The following LONP2 variants were observed in gnomAD, a reference collection of about 807,000 sequenced individuals.
The protein encoded by LONP2 is lon protease homolog 2, peroxisomal.
Under a neutral mutation model 85.6 loss-of-function variants are expected in LONP2, and 60 were observed. The observed-to-expected ratio is 0.70, with a 90% confidence interval of 0.57 to 0.87. The LOEUF is 0.87. Ranked by LOEUF, LONP2 falls within the 40% of genes least tolerant of loss-of-function variation. LONP2 has a pLI of 0.00. For missense variants in LONP2, 860 were observed against 1,063.5 expected, an observed-to-expected ratio of 0.81 and a Z score of 2.66; for synonymous variants, 395 against 389.7, an observed-to-expected ratio of 1.01 and a Z score of -0.16.
chr16:48,310,521 T>G (rs890888886), intron 11 of LONP2, among the ~76,000 whole-genome samples: 3 of 152,092 alleles, frequency 2.0e-5, no homozygotes, highest in Non-Finnish European at 4.4e-5. Flanking sequence ...CTGGCTAATT[T>G]TTGTATTTTT....
intron 8 of LONP2, among the ~76,000 whole-genome samples, chr16:48,289,854 A>G (rs917605380): frequency 6.6e-6 from 1 of 152,174 alleles, no homozygotes; most frequent in Non-Finnish European, 1.5e-5. Flanking sequence ...TGTCTTCACA[A>G]ATGGGTAGTA....
downstream of LONP2, among the ~76,000 whole-genome samples, chr16:48,358,251 T>C (rs1468631060): frequency 6.6e-6 from 1 of 152,052 alleles, no homozygotes; most frequent in African/African-American, 2.4e-5. Flanking sequence ...AAAATGAAAA[T>C]GGAAAACTTC....
intron 8 of LONP2, among the ~76,000 whole-genome samples, chr16:48,294,230 C>T (rs769476090): frequency 2.3e-4 from 35 of 152,136 alleles, no homozygotes; most frequent in African/African-American, 3.1e-4. Flanking sequence ...TGTGAGCCAC[C>T]GTGCCCGGCC....
chr16:48,358,903 T>G (rs1407933240), downstream of LONP2, among the ~76,000 whole-genome samples: 1 of 152,240 alleles, frequency 6.6e-6, no homozygotes, highest in Non-Finnish European at 1.5e-5. Context: ...TGTGCAGTTT[T>G]ATAATTTCCA....
chr16:48,269,747 A>G lies in LONP2; in HGVS notation c.983-269A>G, dbSNP rs138051014. ...ATACAATATGTAGAAATTAAGAAGT[A>G]ATGCATAACTAGAAAATCATTCCAA... On this transcript the variant is annotated intron_variant, in intron 6 of 14. Coordinates refer to ENST00000285737, the MANE Select transcript of LONP2 (RefSeq NM_031490.5). 2.0e-3 allele frequency among the ~76,000 whole-genome samples: 303 copies of G among 152,314 alleles called. 2 individuals carry two copies. Among genetic ancestry groups the G allele is most frequent in the Middle Eastern group, 6.8e-3 (2 of 294 alleles).
intron 11 of LONP2, among the ~76,000 whole-genome samples, chr16:48,331,503 A>G (rs1021168197): frequency 6.6e-6 from 1 of 152,188 alleles, no homozygotes; most frequent in African/African-American, 2.4e-5. Flanking sequence ...GAGAATATAT[A>G]TAACTCAAGA....
rs759287753 is a variant in LONP2, at chr16:48,262,833, G to T, written c.943G>T (p.Glu315Ter). 1.9e-6 allele frequency: 3 copies of T among 1,611,548 alleles called. No homozygotes were observed. Among genetic ancestry groups the T allele is most frequent in the Non-Finnish European group, 2.5e-6 (3 of 1,178,684 alleles). The change falls in exon 6 of 15, where the codon GAA becomes TAA. Residue 315 changes from glutamate (E) to a stop codon, truncating the protein, a stop_gained. Coordinates refer to ENST00000285737, the MANE Select transcript of LONP2 (RefSeq NM_031490.5). LOFTEE classifies it high-confidence loss of function. ...ATATGCTCTGACTAGAAATTATTTG[G>T]AACTTATGGTAGAACTTCCTTGGAA... ...PEYALTRNYL[E>*]LMVELPWNKS...
intron 11 of LONP2, among the ~76,000 whole-genome samples, chr16:48,332,531 C>CAG (rs1959488264): frequency 1.3e-5 from 2 of 151,976 alleles, no homozygotes; most frequent in African/African-American, 4.8e-5. Context: ...GGCCAACATG[C>CAG]TGAAACCCCA....
chr16:48,313,465 T>G (rs1973077462), intron 11 of LONP2, among the ~76,000 whole-genome samples: 1 of 152,288 alleles, frequency 6.6e-6, no homozygotes, highest in Non-Finnish European at 1.5e-5. Context: ...TTCTTCCTGA[T>G]GCTCTCCCTC....
chr16:48,259,074 A>G (rs1971823092), intron 4 of LONP2, among the ~76,000 whole-genome samples: 1 of 152,238 alleles, frequency 6.6e-6, no homozygotes, highest in Non-Finnish European at 1.5e-5. Flanking sequence ...CTAAGAAACT[A>G]ATACAAAACT....
At chr16:48,349,344 C>T (rs1192928694) in intron 14 of LONP2, among the ~76,000 whole-genome samples, 4 of 152,072 alleles carry the variant, frequency 2.6e-5, no homozygotes, top group Non-Finnish European at 4.4e-5. Flanking sequence ...AATCTTGGCT[C>T]ACTGCAACCT....
intron 2 of LONP2, among the ~76,000 whole-genome samples, chr16:48,252,967 A>G (rs1419398616): frequency 6.6e-6 from 1 of 152,244 alleles, no homozygotes; most frequent in East Asian, 1.9e-4. Context: ...ACATAAAATT[A>G]TAAAGTATAG....
chr16:48,347,589 C>T lies in LONP2; in HGVS notation c.2021C>T (p.Ala674Val), dbSNP rs1412011244. The T allele has an allele frequency of 3.7e-6, 6 of 1,614,204 alleles. No individual in the cohort carries two copies. Among genetic ancestry groups the T allele is most frequent in the South Asian group, 1.1e-5 (1 of 91,078 alleles). The stretch of plus-strand genomic sequence containing the variant: ...GGTGGAGAAATCATGTTCGTGGAGG[C>T]GAGTCGAATGGATGGCGAGGGCCAG... ...PLGGEIMFVE[A>V]SRMDGEGQLT... The change falls in exon 13 of 15, where the codon GCG becomes GTG. Residue 674 changes from alanine (A) to valine (V), a missense_variant. Around this residue, in one of 3 missense-constraint regions of LONP2, gnomAD observed 743 missense variants for 917.3 expected, o/e 0.81. Coordinates refer to ENST00000285737, the MANE Select transcript of LONP2 (RefSeq NM_031490.5).
At chr16:48,357,768 G>C (rs936137067), downstream of LONP2, among the ~76,000 whole-genome samples, 10 of 152,110 alleles carry the variant, frequency 6.6e-5, no homozygotes, top group Admixed American at 2.6e-4. Context: ...TATTATTTTG[G>C]TGAGCTAAGC....
intron 14 of LONP2, 108 bp from the exon 15 acceptor site, chr16:48,351,473 G>A: frequency 1.2e-6 from 1 of 805,526 alleles, no homozygotes; most frequent in Non-Finnish European, 1.9e-6. Context: ...AGATGATTTG[G>A]ATGTTTTAAA....
At chr16:48,333,759 T>G (rs1183524431) in intron 11 of LONP2, among the ~76,000 whole-genome samples, 1 of 152,012 alleles carries the variant, frequency 6.6e-6, no homozygotes, top group Non-Finnish European at 1.5e-5. Context: ...ATTGAAAAGT[T>G]TGTCACAAGC....
intron 11 of LONP2, among the ~76,000 whole-genome samples, chr16:48,321,268 T>A (rs183579088): frequency 2.0e-5 from 3 of 152,186 alleles, no homozygotes; most frequent in Non-Finnish European, 2.9e-5. Context: ...TTAATGGTTT[T>A]AAAAAAAATA....
intron 12 of LONP2, among the ~76,000 whole-genome samples, chr16:48,335,991 T>C (rs547707295): frequency 5.3e-5 from 8 of 152,322 alleles, no homozygotes; most frequent in African/African-American, 1.9e-4. Context: ...GAGGATCCAG[T>C]GACATTGTGA....
intron 8 of LONP2, among the ~76,000 whole-genome samples, chr16:48,282,674 T>G (rs993320272): frequency 6.6e-6 from 1 of 152,178 alleles, no homozygotes; most frequent in Non-Finnish European, 1.5e-5. Context: ...GTTGAGTATG[T>G]ACTAACTGCT....
Sources: gnomAD v4.1 joint callset for allele counts (sites outside exome capture counted in the v4.1 genomes callset) on GRCh38, gnomAD v4.1.1 for gene constraint, gnomAD v4.1.1 regional missense constraint, MANE v1.5 for transcripts, NCBI Gene and HGNC (gene_info 2026-07-23, HGNC 2026-07-21) for gene names.